ARHGAP32: variants seen among roughly 807,000 people sequenced by gnomAD.
ARHGAP32 encodes the protein Rho GTPase activating protein 32.
A neutral mutation model predicts 186.5 loss-of-function variants in ARHGAP32; 51 were observed. The ratio of observed to expected loss-of-function variants is 0.27; its 90% confidence interval spans 0.22 to 0.35. The LOEUF is 0.35. Among genes scored for constraint, ARHGAP32 ranks in the 10% least tolerant of loss-of-function variants. The probability of loss-of-function intolerance (pLI) is 1.00; values close to 1 mark genes in which losing one functional copy is unlikely to be tolerated. For missense variants in ARHGAP32, 2,186 were observed against 2,623.5 expected (o/e 0.83, Z 3.64); for synonymous variants, 950 against 964.3 (o/e 0.99, Z 0.27).
intron 1 of ARHGAP32, 119 bp downstream of exon 1, chr11:129,191,964 C>A (rs1322242647): frequency 7.9e-6 from 6 of 756,636 alleles, no homozygotes; most frequent in Admixed American, 4.5e-5. Flanking sequence ...GAGCTCCAAA[C>A]CTTCCCCCAG....
upstream of ARHGAP32, among the ~76,000 whole-genome samples, chr11:129,196,515 C>T (rs987835506): frequency 1.1e-4 from 16 of 152,130 alleles, 1 homozygote; most frequent in Admixed American, 6.5e-4. Context: ...ATATAAGTGA[C>T]TTGAGTATCT....
chr11:129,057,653 T>G lies in ARHGAP32; in HGVS notation c.963+4627A>C, dbSNP rs1940306623. Among the ~76,000 whole-genome samples, 3 of 148,974 alleles carry G rather than the reference T, an allele frequency of 2.0e-5. No homozygotes were observed. The Admixed American group carries it at 2.0e-4, about 10-fold the overall frequency. On this transcript the variant is annotated intron_variant, in intron 10 of 22. Coordinates refer to ENST00000682385, the MANE Select transcript of ARHGAP32 (RefSeq NM_001378024.1). Reference sequence around the variant, plus strand: ...ATATTCCAAAAGCCTGCCCTCCATATATGAGGGTTTCACATCCCACAAATA... The same window carrying G: ...ATATTCCAAAAGCCTGCCCTCCATAGATGAGGGTTTCACATCCCACAAATA...
At chr11:129,108,691 C>G (rs1291862603) in intron 5 of ARHGAP32, among the ~76,000 whole-genome samples, 5 of 152,096 alleles carry the variant, frequency 3.3e-5, no homozygotes, top group East Asian at 1.9e-4. Flanking sequence ...TGTAATAGTT[C>G]TACATTTAAT....
rs534447705 is a variant in ARHGAP32, at chr11:129,123,373, T to A, written c.444+73A>T. On this transcript the variant is annotated intron_variant, in intron 5 of 22. Coordinates refer to ENST00000682385, the MANE Select transcript of ARHGAP32 (RefSeq NM_001378024.1). This position sits in a 1 kb window ranked among gnomAD's most constrained non-coding sequence, Gnocchi z 4.6. ...AAGTGTCATCTATTAGATACAGATA[T>A]ATAGATAAGCATCTAGATATAAAGG... 1.6e-6 allele frequency: 2 copies of A among 1,267,626 alleles called. No individual in the cohort carries two copies. The highest frequency in any genetic ancestry group is 1.1e-6 in the Non-Finnish European group (1 of 886,056). The allele number at this position is 1,267,626 out of a possible 1,614,324, so 78.5% of individuals were successfully genotyped here.
At chr11:129,003,295 T>C (rs904108007) in intron 11 of ARHGAP32, among the ~76,000 whole-genome samples, 7 of 152,198 alleles carry the variant, frequency 4.6e-5, no homozygotes, top group Non-Finnish European at 8.8e-5. Context: ...TTTGCTAGTA[T>C]TTTGAGAATT....
In ARHGAP32 at chr11:129,041,204, ATC is replaced by A. The variant is rs560089202; in HGVS notation, c.964-197_964-196del. On this transcript the variant is annotated intron_variant, in intron 10 of 22. Coordinates refer to ENST00000682385, the MANE Select transcript of ARHGAP32 (RefSeq NM_001378024.1). Reference sequence around the variant, plus strand: ...TCTGTTGCTATGAGTACATAAAGTTATCTGTTTTATTTGTCCAAATATCTAAG... The same window carrying A: ...TCTGTTGCTATGAGTACATAAAGTTATGTTTTATTTGTCCAAATATCTAAG... 1.2e-4 allele frequency among the ~76,000 whole-genome samples: 18 copies of A among 152,298 alleles called. No homozygotes were observed. In the South Asian group the frequency reaches 2.5e-3, roughly 21 times the overall value.
At position 129,269,801 on chromosome 11, in the gene ARHGAP32, G is replaced by A. The variant is rs758950197; in HGVS notation, c.-5+9345C>T. On this transcript the variant is annotated intron_variant, in intron 1 of 6. Coordinates refer to the ARHGAP32 transcript ENST00000525234. ...GACAGAACGTGCTTTTATTCAAAGG[G>A]AAGAAACAATGTCATATACCACACA... Among the ~76,000 whole-genome samples, 82 of 152,182 alleles carry A rather than the reference G, an allele frequency of 5.4e-4. 1 individual carries two copies. Among genetic ancestry groups the A allele is most frequent in the Non-Finnish European group, 1.0e-3 (70 of 67,996 alleles).
chr11:129,131,187 C>G (rs1942800507), intron 2 of ARHGAP32, among the ~76,000 whole-genome samples: 1 of 151,482 alleles, frequency 6.6e-6, no homozygotes, highest in African/African-American at 2.4e-5. Context: ...AAAAACCTTA[C>G]CAAGAACTGT....
At chr11:129,063,829 G>A in intron 9 of ARHGAP32, 73 bp downstream of exon 9, 5 of 1,478,996 alleles carry the variant, frequency 3.4e-6, no homozygotes, top group Middle Eastern at 1.8e-4. Flanking sequence ...TAAGGAAATG[G>A]TTAAGAACAG....
At chr11:129,078,786 C>G (rs1461678464) in intron 6 of ARHGAP32, among the ~76,000 whole-genome samples, 1 of 152,082 alleles carries the variant, frequency 6.6e-6, no homozygotes, top group Non-Finnish European at 1.5e-5. Context: ...AGCCACCGTA[C>G]CCGGCCAGAA....
chr11:129,066,875 G>T lies in ARHGAP32; in HGVS notation c.532-7C>A. On this transcript the variant is annotated splice_polypyrimidine_tract_variant and splice_region_variant and intron_variant, in intron 6 of 22. Transcript: ENST00000682385. ...TAACAATCCAACTTTTTCCCTATTG[G>T]TAGAAAAAAGAAACTCATATAATTC... 1 of 1,590,502 alleles carries T rather than the reference G, an allele frequency of 6.3e-7. No homozygotes were observed. The highest frequency in any genetic ancestry group is 8.6e-7 in the Non-Finnish European group (1 of 1,166,426).
chr11:129,069,123 G>C (rs2135168091), intron 6 of ARHGAP32, among the ~76,000 whole-genome samples: 1 of 152,080 alleles, frequency 6.6e-6, no homozygotes, highest in South Asian at 2.1e-4. Context: ...AAAACATTTA[G>C]GTACAGCACA....
At chr11:129,186,571 T>C (rs1429621820) in intron 1 of ARHGAP32, among the ~76,000 whole-genome samples, 1 of 151,914 alleles carries the variant, frequency 6.6e-6, no homozygotes, top group African/African-American at 2.4e-5. Flanking sequence ...AAGAAAACAA[T>C]CAACAAAGTG....
chr11:129,172,109 T>G (rs1348459565), intron 1 of ARHGAP32, among the ~76,000 whole-genome samples: 1 of 152,204 alleles, frequency 6.6e-6, no homozygotes, highest in Non-Finnish European at 1.5e-5. Context: ...TCATGTCATC[T>G]GCAAACAGAG....
chr11:129,107,398 G>A (rs2135324282), intron 5 of ARHGAP32, among the ~76,000 whole-genome samples: 1 of 152,246 alleles, frequency 6.6e-6, no homozygotes, highest in South Asian at 2.1e-4. Context: ...TCCAGTTAAG[G>A]TTAATACATG....
chr11:129,236,109 C>A (rs1370899891), intron 1 of ARHGAP32, among the ~76,000 whole-genome samples: 1 of 152,160 alleles, frequency 6.6e-6, no homozygotes, highest in East Asian at 1.9e-4. Flanking sequence ...CTGGATCAAA[C>A]AGTAGATCTA....
chr11:129,236,491 T>C (rs1184861205), intron 1 of ARHGAP32, among the ~76,000 whole-genome samples: 1 of 152,204 alleles, frequency 6.6e-6, no homozygotes, highest in Non-Finnish European at 1.5e-5. Flanking sequence ...GATGTACAGA[T>C]TGTGAAGACA....
intron 1 of ARHGAP32, among the ~76,000 whole-genome samples, chr11:129,170,384 C>T (rs1409223166): frequency 6.6e-6 from 1 of 152,028 alleles, no homozygotes; most frequent in African/African-American, 2.4e-5. Context: ...TCTGTGTCCA[C>T]CTGTTCTCAG....
At chr11:128,997,558 G>C (rs2134729077) in intron 12 of ARHGAP32, among the ~76,000 whole-genome samples, 1 of 152,080 alleles carries the variant, frequency 6.6e-6, no homozygotes, top group Non-Finnish European at 1.5e-5. Flanking sequence ...TTCATCTTCT[G>C]GCATTTCTGA....
Sources: gnomAD v4.1 joint callset for allele counts (sites outside exome capture counted in the v4.1 genomes callset) on GRCh38, gnomAD v4.1.1 for gene constraint, Gnocchi (gnomAD v3.1) non-coding constraint, MANE v1.5 for transcripts, NCBI Gene and HGNC (gene_info 2026-07-23, HGNC 2026-07-21) for gene names.